Variants in RARB observed in about 807,000 individuals in gnomAD.
RARB encodes the protein HBV-activated protein.
In RARB, 17 loss-of-function variants were observed where a neutral mutation model predicts 51.9. That is an observed-to-expected ratio of 0.33 (90% CI 0.22 to 0.49). The LOEUF is 0.49. RARB is among the 20% of genes least tolerant of loss of function. The pLI is 0.99. For synonymous variants in RARB, 215 were observed against 195.4 expected, an observed-to-expected ratio of 1.10 and a Z score of -0.84; for missense variants, 369 against 550.8, an observed-to-expected ratio of 0.67 and a Z score of 3.30.
chr3:25,086,272 G>T (rs1699103668), intron 3 of RARB, among the ~76,000 whole-genome samples: 1 of 152,148 alleles, frequency 6.6e-6, no homozygotes, highest in African/African-American at 2.4e-5. Flanking sequence ...CCATAGGAAA[G>T]AACAATTTTG....
chr3:25,182,527 A>G (rs1247568753), intron 5 of RARB, among the ~76,000 whole-genome samples: 1 of 152,138 alleles, frequency 6.6e-6, no homozygotes, highest in Non-Finnish European at 1.5e-5. Flanking sequence ...GGGACTCAAA[A>G]GTATTGTTAT....
At chr3:24,945,843 A>C (rs1056851206) in intron 2 of RARB, among the ~76,000 whole-genome samples, 1 of 152,264 alleles carries the variant, frequency 6.6e-6, no homozygotes, top group Non-Finnish European at 1.5e-5. Context: ...GATGGTGAAC[A>C]ACAAGGCCAA....
intron 2 of RARB, among the ~76,000 whole-genome samples, chr3:24,924,332 A>G (rs1368805981): frequency 1.3e-5 from 2 of 152,182 alleles, no homozygotes; most frequent in Non-Finnish European, 2.9e-5. Flanking sequence ...CTTGGACTCT[A>G]GAATGGGACA....
intron 2 of RARB, among the ~76,000 whole-genome samples, chr3:24,931,320 C>G (rs150371770): frequency 1.1e-3 from 169 of 152,218 alleles, no homozygotes; most frequent in African/African-American, 4.0e-3. Context: ...ATACACAAGG[C>G]AAAGCTTACA....
chr3:25,160,189 A>G, intron 4 of RARB, among the ~76,000 whole-genome samples: 1 of 152,196 alleles, frequency 6.6e-6, no homozygotes, highest in East Asian at 1.9e-4. Context: ...GGCTCTGGTA[A>G]TTTTCAGGAC....
In RARB at chr3:25,488,904, T is replaced by TATTACGG. The variant is rs139261565; in HGVS notation, c.307-12276_307-12270dup. ...CTAACTAATTGGCAGGTACCTCTTT[T>TATTACGG]ATTACGGAGACTGTTTTTCCCCTTC... On this transcript the variant is annotated intron_variant, in intron 2 of 7. Transcript: ENST00000330688. Among the ~76,000 whole-genome samples the TATTACGG allele has an allele frequency of 2.9e-3, 435 of 152,334 alleles. 5 individuals are homozygous for TATTACGG. Among genetic ancestry groups the TATTACGG allele is most frequent in the African/African-American group, 0.01 (417 of 41,580 alleles).
At chr3:24,915,354 T>C (rs970113511) in intron 2 of RARB, among the ~76,000 whole-genome samples, 2 of 152,244 alleles carry the variant, frequency 1.3e-5, no homozygotes, top group Non-Finnish European at 2.9e-5. Flanking sequence ...ACAAATCATA[T>C]TAAAATTTAA....
intron 5 of RARB, among the ~76,000 whole-genome samples, chr3:25,248,377 T>C (rs957055609): frequency 1.3e-5 from 2 of 152,224 alleles, no homozygotes; most frequent in African/African-American, 2.4e-5. Flanking sequence ...AAGATTATTA[T>C]TGATATGGGA....
intron 1 of RARB, among the ~76,000 whole-genome samples, chr3:24,830,341 G>C (rs1222445603): frequency 6.6e-6 from 1 of 150,624 alleles, no homozygotes; most frequent in African/African-American, 2.4e-5. Flanking sequence ...ACTCCCGGAG[G>C]TGGGGGTGGG....
intron 5 of RARB, among the ~76,000 whole-genome samples, chr3:25,356,627 C>G (rs890063778): frequency 7.2e-5 from 11 of 151,964 alleles, no homozygotes; most frequent in Admixed American, 5.9e-4. Context: ...AACCCATCAT[C>G]TACATTAGGT....
At chr3:25,365,905 AGT>A (rs1559373432) in intron 5 of RARB, among the ~76,000 whole-genome samples, 1 of 152,236 alleles carries the variant, frequency 6.6e-6, no homozygotes, top group African/African-American at 2.4e-5. Flanking sequence ...GCCATACCAC[AGT>A]AGTCACAACT....
At chr3:24,984,266 C>T (rs532219839) in intron 2 of RARB, among the ~76,000 whole-genome samples, 1 of 152,202 alleles carries the variant, frequency 6.6e-6, no homozygotes, top group African/African-American at 2.4e-5. Flanking sequence ...GCAATAGCAA[C>T]ATGGAAATGC....
intron 2 of RARB, among the ~76,000 whole-genome samples, chr3:25,014,311 C>G (rs573715629): frequency 6.6e-6 from 1 of 151,836 alleles, no homozygotes; most frequent in Non-Finnish European, 1.5e-5. Context: ...AGTTCTGGGC[C>G]GAGGCCTCAA....
intron 5 of RARB, among the ~76,000 whole-genome samples, chr3:25,331,211 A>G (rs1175684504): frequency 6.6e-6 from 1 of 152,206 alleles, no homozygotes; most frequent in Non-Finnish European, 1.5e-5. Context: ...CCCCAAATCA[A>G]CAGAATATAC....
rs748532131 is a variant in RARB at position 25,596,903 on chromosome 3, C to T, written c.*287C>T. ...ACACTCAAGATTGCATGGCAAAGACCCAGTCAAAATGATTTACCCCTGGTT... is the reference window on the plus strand; with the variant it reads ...ACACTCAAGATTGCATGGCAAAGACTCAGTCAAAATGATTTACCCCTGGTT... On this transcript the variant is annotated 3_prime_UTR_variant, in exon 8 of 8. Coordinates refer to ENST00000330688, the MANE Select transcript of RARB (RefSeq NM_000965.5). 4 of 263,494 alleles carry T rather than the reference C, an allele frequency of 1.5e-5. No homozygotes were observed. Among genetic ancestry groups the T allele is most frequent in the Non-Finnish European group, 2.9e-5 (4 of 138,884 alleles). 16.3% of individuals were successfully genotyped at this position (263,494 alleles called of 1,614,324 possible).
intron 2 of RARB, among the ~76,000 whole-genome samples, chr3:24,979,905 C>T (rs574429892): frequency 1.5e-4 from 23 of 152,116 alleles, no homozygotes; most frequent in Non-Finnish European, 3.2e-4. Flanking sequence ...TTTGCAGTAG[C>T]TGGTATTGGT....
At chr3:25,229,970 A>G (rs1205152288) in intron 5 of RARB, among the ~76,000 whole-genome samples, 1 of 152,166 alleles carries the variant, frequency 6.6e-6, no homozygotes, top group Non-Finnish European at 1.5e-5. Context: ...GTATGATAAA[A>G]CATATTTCTA....
At chr3:25,527,627 C>T (rs1474650910) in intron 3 of RARB, among the ~76,000 whole-genome samples, 1 of 152,136 alleles carries the variant, frequency 6.6e-6, no homozygotes, top group Non-Finnish European at 1.5e-5. Flanking sequence ...CCAAACCATC[C>T]AAGCACAGGG....
chr3:24,901,189 A>G (rs1254504581), intron 2 of RARB, among the ~76,000 whole-genome samples: 1 of 152,218 alleles, frequency 6.6e-6, no homozygotes, highest in African/African-American at 2.4e-5. Context: ...CAGCTACATA[A>G]TGATTTCAGA....
Sources: gnomAD v4.1 joint callset for allele counts (sites outside exome capture counted in the v4.1 genomes callset) on GRCh38, gnomAD v4.1.1 for gene constraint, MANE v1.5 for transcripts, NCBI Gene and HGNC (gene_info 2026-07-23, HGNC 2026-07-21) for gene names.